Variants in KALRN observed in about 807,000 individuals in gnomAD.
KALRN encodes kalirin RhoGEF kinase.
A neutral mutation model predicts 353.7 loss-of-function variants in KALRN; 70 were observed. That is an observed-to-expected ratio of 0.20 (90% confidence interval 0.16 to 0.24). KALRN has a LOEUF of 0.24. Ranked by LOEUF, KALRN falls within the 10% of genes least tolerant of loss-of-function variation. The pLI, the probability that KALRN is intolerant of heterozygous loss-of-function variation, is 1.00. For synonymous variants in KALRN, 1,391 were observed against 1,434.8 expected, an observed-to-expected ratio of 0.97 and a Z score of 0.69; for missense variants, 2,791 against 3,756.7, an observed-to-expected ratio of 0.74 and a Z score of 6.72.
At position 124,456,610 on chromosome 3, in the gene KALRN, G is replaced by A. The variant is rs750813370; in HGVS notation, c.3736G>A (p.Asp1246Asn). Reference sequence around the variant, plus strand: ...ACCTTTGTGATCCCTCCATGTGCAGGATAATAAGGACCTGGAGCTGGATAT... The same window carrying A: ...ACCTTTGTGATCCCTCCATGTGCAGAATAATAAGGACCTGGAGCTGGATAT... ...LEKALGVNTE[D>N]NKDLELDIIP... The change falls in exon 23 of 60, where the codon GAT (aspartate) becomes AAT (asparagine). Residue 1246 changes from aspartate (D) to asparagine (N), a missense_variant and splice_region_variant. Transcript: ENST00000682506. The A allele has an allele frequency of 6.2e-7, 1 of 1,609,292 alleles. No individual in the cohort carries two copies. The highest frequency in any genetic ancestry group is 8.5e-7 in the Non-Finnish European group (1 of 1,176,428).
At chr3:124,360,570 T>G (rs1194109383) in intron 10 of KALRN, among the ~76,000 whole-genome samples, 1 of 152,232 alleles carries the variant, frequency 6.6e-6, no homozygotes, top group East Asian at 1.9e-4. Context: ...AGAATAAAGT[T>G]AATGTCTCTC....
intron 1 of KALRN, among the ~76,000 whole-genome samples, chr3:124,057,094 C>T (rs1277211727): frequency 6.6e-6 from 1 of 152,144 alleles, no homozygotes; most frequent in Non-Finnish European, 1.5e-5. Context: ...TTTTAACTGC[C>T]ATTGATTTAT....
chr3:124,194,326 A>C (rs1407859667), intron 1 of KALRN, among the ~76,000 whole-genome samples: 1 of 152,146 alleles, frequency 6.6e-6, no homozygotes, highest in Non-Finnish European at 1.5e-5. Flanking sequence ...GTAGGTCTGG[A>C]GGAGACGGAA....
chr3:124,697,654 C>T lies in KALRN; in HGVS notation c.7761C>T (p.Leu2587=). ...AGAGAAGCTGCACCTCCGTGATTCT[C>T]CGCTGGCTGCCCCCCTCCAGCACAG... ...AQERSCTSVI[L]RWLPPSSTGN... Residue 2587 remains leucine, a synonymous_variant, in exon 55 of 60, where the codon CTC becomes CTT. Coordinates refer to ENST00000682506, the MANE Select transcript of KALRN (RefSeq NM_001388419.1). 6.2e-7 allele frequency: 1 copy of T among 1,609,174 alleles called. No homozygotes were observed. Among genetic ancestry groups the T allele is most frequent in the Non-Finnish European group, 8.5e-7 (1 of 1,177,732 alleles).
intron 34 of KALRN, among the ~76,000 whole-genome samples, chr3:124,625,557 T>A (rs929519829): frequency 6.6e-6 from 1 of 150,702 alleles, no homozygotes; most frequent in Admixed American, 6.6e-5. Flanking sequence ...CCCATCTCTA[T>A]CTTCTTCCAA....
intron 28 of KALRN, among the ~76,000 whole-genome samples, chr3:124,487,713 G>A (rs1430145909): frequency 6.6e-6 from 1 of 152,230 alleles, no homozygotes; most frequent in African/African-American, 2.4e-5. Flanking sequence ...CCAGTGGGAT[G>A]GAAGTCAGCA....
intron 3 of KALRN, among the ~76,000 whole-genome samples, chr3:124,251,355 C>CTTTTTTTTTTTTTT (rs57628448): frequency 4.7e-4 from 63 of 133,648 alleles, no homozygotes; most frequent in Non-Finnish European, 6.5e-4. Context: ...CAAGTCTTTG[C>CTTTTTTTTTTTTTT]TTTTTTTTTT....
intron 23 of KALRN, among the ~76,000 whole-genome samples, chr3:124,458,046 C>T (rs907888929): frequency 6.6e-6 from 1 of 152,064 alleles, no homozygotes; most frequent in African/African-American, 2.4e-5. Flanking sequence ...GAGGCCGAGG[C>T]GGTTGGATTA....
Position 124,667,114 on chromosome 3 carries a change from G to A in KALRN, c.6634G>A (p.Ala2212Thr), listed in dbSNP as rs767235200. The A allele has an allele frequency of 9.3e-6, 15 of 1,614,052 alleles. No individual in the cohort carries two copies. In the East Asian group the frequency reaches 1.1e-4, roughly 12 times the overall value. Residue 2212 changes from alanine to threonine, a missense_variant, in exon 47 of 60, where the codon GCT (alanine) becomes ACT (threonine). This residue lies in a region of KALRN where 1,065 missense variants were observed against 1,156.4 expected (regional missense o/e 0.92). Transcript: ENST00000682506. ...GAGGGTTGTTCTGCAAGCCGCCAACGCTGACATCCAGCAGGCCTGGGTGCA... is the reference window on the plus strand; with the variant it reads ...GAGGGTTGTTCTGCAAGCCGCCAACACTGACATCCAGCAGGCCTGGGTGCA... ...SERVVLQAAN[A>T]DIQQAWVQDI...
At chr3:124,534,342 G>A (rs780855530) in intron 33 of KALRN, among the ~76,000 whole-genome samples, 12 of 152,296 alleles carry the variant, frequency 7.9e-5, no homozygotes, top group South Asian at 6.2e-4. Flanking sequence ...ATGGGCACAG[G>A]AGGGGTAACA....
At position 124,439,099 on chromosome 3, in the gene KALRN, C is replaced by CCTCTTT. The variant is rs536744539; in HGVS notation, c.3198+75_3198+80dup. On this transcript the variant is annotated intron_variant, in intron 18 of 59. Coordinates refer to ENST00000682506, the MANE Select transcript of KALRN (RefSeq NM_001388419.1). Reference sequence around the variant, plus strand: ...GGCCTTGGCCGCCTTGTTCTTTCATCCTCTTTCTCTTTCTCTTTTCTTTCT... The same window carrying CCTCTTT: ...GGCCTTGGCCGCCTTGTTCTTTCATCCTCTTTCTCTTTCTCTTTCTCTTTTCTTTCT... 3.2e-5 allele frequency: 48 copies of CCTCTTT among 1,511,060 alleles called. 1 individual carries two copies. The South Asian group carries it at 3.4e-4, about 11-fold the overall frequency. 93.6% of individuals were successfully genotyped at this position (1,511,060 alleles called of 1,614,324 possible).
intron 59 of KALRN, among the ~76,000 whole-genome samples, chr3:124,718,510 T>A (rs1358916372): frequency 6.6e-6 from 1 of 152,168 alleles, no homozygotes; most frequent in Non-Finnish European, 1.5e-5. Context: ...AGAGCCACAA[T>A]GACATCTGGT....
At chr3:124,172,613 T>A (rs1011207626) in intron 1 of KALRN, among the ~76,000 whole-genome samples, 3 of 152,068 alleles carry the variant, frequency 2.0e-5, no homozygotes, top group Non-Finnish European at 2.9e-5. Context: ...GAATTTTGTA[T>A]TGCAAGTTCG....
At chr3:124,182,802 G>A (rs2073783492) in intron 1 of KALRN, among the ~76,000 whole-genome samples, 1 of 152,166 alleles carries the variant, frequency 6.6e-6, no homozygotes, top group African/African-American at 2.4e-5. Context: ...CCTGAAAGAT[G>A]TGCTTTATGC....
intron 33 of KALRN, among the ~76,000 whole-genome samples, chr3:124,518,016 C>T (rs2066808906): frequency 6.6e-6 from 1 of 152,204 alleles, no homozygotes; most frequent in African/African-American, 2.4e-5. Context: ...TCTATTATTC[C>T]TGACTACTCC....
Position 124,173,741 on chromosome 3 carries a change from G to A in KALRN, c.74-54249G>A, listed in dbSNP as rs369445896. Reference sequence around the variant, plus strand: ...AGCGATTCTTCTGCCTCAGCCTCCCGAGTAGCTGGGATTACAGGCATGTGC... The same window carrying A: ...AGCGATTCTTCTGCCTCAGCCTCCCAAGTAGCTGGGATTACAGGCATGTGC... On this transcript the variant is annotated intron_variant, in intron 1 of 59. Transcript: ENST00000682506. 1.4e-4 allele frequency among the ~76,000 whole-genome samples: 21 copies of A among 152,196 alleles called. 1 individual carries two copies. The South Asian group carries it at 2.5e-3, about 18-fold the overall frequency.
In KALRN at chr3:124,384,924, T is replaced by C. The variant is rs1483462479; in HGVS notation, c.1850T>C (p.Ile617Thr). 1.2e-6 allele frequency: 2 copies of C among 1,614,004 alleles called. No individual in the cohort carries two copies. The highest frequency in any genetic ancestry group is 2.2e-5 in the South Asian group (2 of 91,022). The change falls in exon 11 of 60, where the codon ATC (isoleucine) becomes ACC (threonine). Residue 617 changes from isoleucine to threonine, a missense_variant. By Grantham distance (89) the Ile-to-Thr change is moderately conservative (BLOSUM62 -1). This residue lies in a region of KALRN where 452 missense variants were observed against 575.8 expected (regional missense o/e 0.78). Coordinates refer to ENST00000682506, the MANE Select transcript of KALRN (RefSeq NM_001388419.1). ...AQTGECDPEE[I>T]YKAARHLEVR... ...ACGGGGGAATGTGACCCCGAGGAGA[T>C]CTACAAGGCAGCTCGACACCTGGAG...
intron 34 of KALRN, among the ~76,000 whole-genome samples, chr3:124,577,318 G>C (rs532123344): frequency 6.6e-6 from 1 of 152,248 alleles, no homozygotes; most frequent in Admixed American, 6.5e-5. Flanking sequence ...AAGTACAGAG[G>C]AACACATTTA....
intron 35 of KALRN, 36 bp downstream of exon 35, chr3:124,632,739 G>A (rs2149833902): frequency 1.9e-6 from 3 of 1,591,392 alleles, no homozygotes; most frequent in Non-Finnish European, 2.6e-6. Context: ...TCCATCAGGA[G>A]GGCCTTCTGA....
Sources: gnomAD v4.1 joint callset for allele counts (sites outside exome capture counted in the v4.1 genomes callset) on GRCh38, gnomAD v4.1.1 for gene constraint, gnomAD v4.1.1 regional missense constraint, MANE v1.5 for transcripts, NCBI Gene and HGNC (gene_info 2026-07-23, HGNC 2026-07-21) for gene names.